Variants in WWTR1 observed in about 807,000 individuals in gnomAD.
WWTR1 encodes WW domain containing transcription regulator 1, also known as WW domain-containing transcription regulator protein 1.
A neutral mutation model predicts 40.1 loss-of-function variants in WWTR1; 13 were observed. That is an observed-to-expected ratio of 0.32 (90% CI 0.21 to 0.52). WWTR1 has a LOEUF of 0.52. Among genes scored for constraint, WWTR1 ranks in the 20% least tolerant of loss-of-function variants. The pLI is 0.97. For missense variants in WWTR1, 436 were observed against 523.1 expected (o/e 0.83, Z 1.63); for synonymous variants, 230 against 210.1 (o/e 1.09, Z -0.82).
chr3:149,593,014 C>T (rs151102483), intron 2 of WWTR1, among the ~76,000 whole-genome samples: 2,279 of 152,250 alleles, frequency 0.015, 21 homozygotes, highest in Non-Finnish European at 0.024. Flanking sequence ...CCAGGCACAC[C>T]GAGCCAAGTT....
chr3:149,622,205 A>G (rs1740311845), intron 2 of WWTR1, among the ~76,000 whole-genome samples: 2 of 152,270 alleles, frequency 1.3e-5, no homozygotes, highest in South Asian at 4.1e-4. Context: ...CATTTCAGGT[A>G]TAACCTTAAA....
In WWTR1 at chr3:149,611,279, G is replaced by A. The variant is rs116585290; in HGVS notation, c.432-38279C>T. On this transcript the variant is annotated intron_variant, in intron 2 of 6. Transcript: ENST00000360632. ...GTAGCAAGACAATGACCCATGCCAG[G>A]GGTCAGCTAACTACAGCCTGCAGGC... Among the ~76,000 whole-genome samples the A allele has an allele frequency of 3.4e-3, 524 of 152,272 alleles. 3 individuals are homozygous for A. The highest frequency in any genetic ancestry group is 0.012 in the African/African-American group (495 of 41,554).
At chr3:149,625,717 C>T (rs187099946) in intron 2 of WWTR1, among the ~76,000 whole-genome samples, 3 of 151,550 alleles carry the variant, frequency 2.0e-5, no homozygotes, top group East Asian at 2.0e-4. Context: ...CTTGAACCCA[C>T]GAGGCAGAGG....
At chr3:149,522,597 AGT>A (rs1735107671) in intron 6 of WWTR1, among the ~76,000 whole-genome samples, 1 of 152,232 alleles carries the variant, frequency 6.6e-6, no homozygotes. Context: ...GGCTTTAAAA[AGT>A]GTCTAAAAAA....
chr3:149,689,507 A>G (rs755616620), intron 1 of WWTR1, among the ~76,000 whole-genome samples: 22 of 151,986 alleles, frequency 1.4e-4, no homozygotes, highest in African/African-American at 2.2e-4. Flanking sequence ...TCCTAAAAGC[A>G]GCAAAAGAAA....
intron 5 of WWTR1, among the ~76,000 whole-genome samples, chr3:149,711,402 TCTA>T (rs1483385272): frequency 1.3e-5 from 2 of 152,140 alleles, no homozygotes; most frequent in African/African-American, 4.8e-5. Flanking sequence ...AATAAATAAT[TCTA>T]CTATTATTAT....
chr3:149,579,528 C>T (rs989087254), intron 2 of WWTR1, among the ~76,000 whole-genome samples: 1 of 151,552 alleles, frequency 6.6e-6, no homozygotes, highest in Non-Finnish European at 1.5e-5. Context: ...ACAGATAATG[C>T]TAGCCAGGTG....
At chr3:149,672,782 CTT>C (rs34174367) in intron 1 of WWTR1, among the ~76,000 whole-genome samples, 31 of 129,248 alleles carry the variant, frequency 2.4e-4, no homozygotes, top group African/African-American at 5.1e-4. Context: ...AAGTTTTTTC[CTT>C]TTTTTTTTTT....
chr3:149,611,910 C>G (rs948779602), intron 2 of WWTR1, among the ~76,000 whole-genome samples: 2 of 152,134 alleles, frequency 1.3e-5, no homozygotes, highest in Admixed American at 6.5e-5. Context: ...AGTTTAATTT[C>G]AAAAACACTT....
chr3:149,653,400 T>G (rs1576624539), intron 2 of WWTR1, among the ~76,000 whole-genome samples: 1 of 152,204 alleles, frequency 6.6e-6, no homozygotes, highest in Admixed American at 6.5e-5. Context: ...AGAGGCTAGG[T>G]GTTTTAACAT....
At chr3:149,572,718 A>G (rs1737695506) in intron 3 of WWTR1, 146 bp downstream of exon 3, 3 of 956,544 alleles carry the variant, frequency 3.1e-6, no homozygotes, top group Admixed American at 5.4e-5. Context: ...ACAGTGGTTC[A>G]TGCCTGTTAT....
chr3:149,622,390 A>G (rs906634217), intron 2 of WWTR1, among the ~76,000 whole-genome samples: 3 of 151,868 alleles, frequency 2.0e-5, no homozygotes, highest in Admixed American at 1.3e-4. Flanking sequence ...CAAATAACAT[A>G]TAACAATGAT....
At chr3:149,567,261 A>G (rs1346684078) in intron 3 of WWTR1, among the ~76,000 whole-genome samples, 1 of 152,090 alleles carries the variant, frequency 6.6e-6, no homozygotes, top group Admixed American at 6.6e-5. Context: ...ATATGGAGCT[A>G]CTTTAAGTTG....
intron 5 of WWTR1, among the ~76,000 whole-genome samples, chr3:149,708,279 G>T (rs1167441944): frequency 6.6e-6 from 1 of 151,868 alleles, no homozygotes; most frequent in East Asian, 1.9e-4. Flanking sequence ...TTTGTTGGTT[G>T]GTTGGTTTTG....
At chr3:149,635,572 C>CGAAGAGGAAGAGTAGGAGGA (rs1560096044) in intron 2 of WWTR1, among the ~76,000 whole-genome samples, 1 of 143,438 alleles carries the variant, frequency 7.0e-6, no homozygotes, top group African/African-American at 2.6e-5. Flanking sequence ...GGAAGGAGGA[C>CGAAGAGGAAGAGTAGGAGGA]GAAGAGGAAG....
chr3:149,573,032 T>C, intron 2 of WWTR1, 32 bp from the exon 3 acceptor site: 1 of 1,566,140 alleles, frequency 6.4e-7, no homozygotes, highest in Non-Finnish European at 8.6e-7. Flanking sequence ...ATTATCTTTT[T>C]AATTGTCAGC....
At chr3:149,680,278 T>C (rs1219639068) in intron 1 of WWTR1, among the ~76,000 whole-genome samples, 3 of 152,226 alleles carry the variant, frequency 2.0e-5, no homozygotes, top group African/African-American at 4.8e-5. Flanking sequence ...GCACAGTGGC[T>C]CATGCCTGTA....
rs5853435 is a variant in WWTR1, at chr3:149,670,643, C to CA, written c.-107-753dup. On this transcript the variant is annotated intron_variant, in intron 1 of 7. Transcript: ENST00000465804. ...TGGGCGACAGAGCGAGACTCCGTCTCAAAAAAAAAAAAAAAGAAAAGAAAA... is the reference window on the plus strand; with the variant it reads ...TGGGCGACAGAGCGAGACTCCGTCTCAAAAAAAAAAAAAAAAGAAAAGAAAA... The CA allele has an allele frequency of 3.9e-3, 397 of 101,070 alleles. 4 individuals are homozygous for CA. Among genetic ancestry groups the CA allele is most frequent in the Middle Eastern group, 0.018 (4 of 222 alleles). 6.3% of individuals were successfully genotyped at this position (101,070 alleles called of 1,614,324 possible). A position where few individuals can be genotyped will look rare whatever the true frequency, so the allele number is the denominator to read the frequency against.
chr3:149,591,727 A>G (rs1738732741), intron 2 of WWTR1, among the ~76,000 whole-genome samples: 6 of 152,234 alleles, frequency 3.9e-5, no homozygotes, highest in Admixed American at 3.9e-4. Context: ...TAGTTATATT[A>G]GAAGAAACAT....
Sources: allele counts gnomAD v4.1 joint callset (sites outside exome capture counted in the v4.1 genomes callset), GRCh38; gene constraint gnomAD v4.1.1; transcripts MANE v1.5; gene names NCBI Gene and HGNC (gene_info 2026-07-23, HGNC 2026-07-21).